The following ACO1 variants were observed in gnomAD, a reference collection of about 807,000 sequenced individuals.
The protein encoded by ACO1 is cytoplasmic aconitate hydratase.
ACO1 carries 78 observed loss-of-function variants against 105.1 expected under a neutral mutation model. That is an observed-to-expected ratio of 0.74 (90% CI 0.62 to 0.90). The LOEUF (loss-of-function observed/expected upper bound fraction) is 0.90. Ranked by LOEUF, ACO1 falls within the 40% of genes least tolerant of loss-of-function variation. ACO1 has a pLI of 0.00. For missense variants in ACO1, 965 were observed against 1,111.1 expected, an observed-to-expected ratio of 0.87 and a Z score of 1.87; for synonymous variants, 364 against 397.4, an observed-to-expected ratio of 0.92 and a Z score of 1.00.
intron 5 of ACO1, 57 bp from the exon 6 acceptor site, chr9:32,418,271 G>T: frequency 6.2e-7 from 1 of 1,612,218 alleles, no homozygotes; most frequent in Non-Finnish European, 8.5e-7. Flanking sequence ...CCAAGGAGAT[G>T]GGCTGAGTAG....
intron 10 of ACO1, among the ~76,000 whole-genome samples, chr9:32,425,231 C>T (rs1403080198): frequency 6.6e-6 from 1 of 152,184 alleles, no homozygotes. Flanking sequence ...TCTGAATCAC[C>T]TTGGGAGCCC....
At chr9:32,409,317 A>G (rs1821683459) in intron 4 of ACO1, among the ~76,000 whole-genome samples, 1 of 152,224 alleles carries the variant, frequency 6.6e-6, no homozygotes, top group African/African-American at 2.4e-5. Flanking sequence ...GTAGACTCTC[A>G]GCTCCCTGAA....
In ACO1 at chr9:32,407,400, G is replaced by A; in HGVS notation, c.237G>A (p.Lys79=). 1.2e-6 allele frequency: 2 copies of A among 1,614,070 alleles called. No individual in the cohort carries two copies. Among genetic ancestry groups the A allele is most frequent in the Non-Finnish European group, 8.5e-7 (1 of 1,179,956 alleles). Residue 79 remains lysine (K), a synonymous_variant, in exon 3 of 21, where the codon AAG becomes AAA. Coordinates refer to ENST00000309951, the MANE Select transcript of ACO1 (RefSeq NM_002197.3). Reference sequence around the variant, plus strand: ...ACAAGAACATAGAAGTGCCATTTAAGCCTGCTCGTGTCATCCTGCAGGACT... The same window carrying A: ...ACAAGAACATAGAAGTGCCATTTAAACCTGCTCGTGTCATCCTGCAGGACT... The part of the protein sequence containing the change: ...TQHKNIEVPF[K]PARVILQDFT...
chr9:32,407,280 C>T lies in ACO1; in HGVS notation c.117C>T (p.Ile39=). ...TCTTAGGGCGCTTACCATTTTCGAT[C>T]AGAGTTCTTCTGGAAGCAGCCATTC... ...DSRYGRLPFS[I]RVLLEAAIRN... is the part of the protein sequence containing the mutation. Residue 39 remains isoleucine (I), a synonymous_variant, in exon 3 of 21, where the codon ATC becomes ATT. Coordinates refer to ENST00000309951, the MANE Select transcript of ACO1 (RefSeq NM_002197.3). 2 of 1,614,086 alleles carry T rather than the reference C, an allele frequency of 1.2e-6. No homozygotes were observed. Among genetic ancestry groups the T allele is most frequent in the Non-Finnish European group, 1.7e-6 (2 of 1,179,984 alleles).
rs1013853198 is a variant in ACO1 at position 32,453,163 on chromosome 9, C to A, written c.*3052C>A. On this transcript the variant is annotated 3_prime_UTR_variant, in exon 21 of 21. Coordinates refer to ENST00000309951, the MANE Select transcript of ACO1 (RefSeq NM_002197.3). ...GTTTGTTTGGATAGTTTTCCAAATTCATTACTGCATTCCTGGCATCCGCAG... is the reference window on the plus strand; with the variant it reads ...GTTTGTTTGGATAGTTTTCCAAATTAATTACTGCATTCCTGGCATCCGCAG... 2.0e-5 allele frequency: 3 copies of A among 152,118 alleles called. No individual in the cohort carries two copies. Among genetic ancestry groups the A allele is most frequent in the Non-Finnish European group, 4.4e-5 (3 of 68,040 alleles). The allele number at this position is 152,118 out of a possible 1,614,324, so 9.4% of individuals were successfully genotyped here. A position where few individuals can be genotyped will look rare whatever the true frequency, so the allele number is the denominator to read the frequency against.
intron 18 of ACO1, among the ~76,000 whole-genome samples, chr9:32,438,217 C>T (rs983473812): frequency 6.6e-6 from 1 of 151,082 alleles, no homozygotes; most frequent in Non-Finnish European, 1.5e-5. Flanking sequence ...TGATTTGCAT[C>T]CTAAAATCTA....
rs1200006698 is a variant in ACO1, at chr9:32,450,513, C to T, written c.*402C>T. The T allele has an allele frequency of 3.5e-6, 1 of 284,390 alleles. No individual in the cohort carries two copies. Among genetic ancestry groups the T allele is most frequent in the Admixed American group, 4.9e-5 (1 of 20,356 alleles). The allele number at this position is 284,390 out of a possible 1,614,324, so 17.6% of individuals were successfully genotyped here. A position where few individuals can be genotyped will look rare whatever the true frequency, so the allele number is the denominator to read the frequency against. On this transcript the variant is annotated 3_prime_UTR_variant, in exon 21 of 21. Coordinates refer to ENST00000309951, the MANE Select transcript of ACO1 (RefSeq NM_002197.3). ...TCCTCTTACGCTCTGCTCAATGAAACCTTCCTCTTGAGGGTCATTTTCCTT... is the reference window on the plus strand; with the variant it reads ...TCCTCTTACGCTCTGCTCAATGAAATCTTCCTCTTGAGGGTCATTTTCCTT...
intron 18 of ACO1, among the ~76,000 whole-genome samples, chr9:32,438,089 A>G (rs1188903362): frequency 6.6e-6 from 1 of 152,248 alleles, no homozygotes; most frequent in Non-Finnish European, 1.5e-5. Context: ...TCACTGTGAA[A>G]TTAAGAGCAA....
At chr9:32,440,789 A>T (rs888697889) in intron 19 of ACO1, among the ~76,000 whole-genome samples, 1 of 152,212 alleles carries the variant, frequency 6.6e-6, no homozygotes, top group Non-Finnish European at 1.5e-5. Flanking sequence ...GTTGAACTGG[A>T]TCTATCATTC....
chr9:32,388,639 C>A (rs769063602), intron 1 of ACO1, among the ~76,000 whole-genome samples: 2 of 152,040 alleles, frequency 1.3e-5, no homozygotes, highest in Non-Finnish European at 2.9e-5. Context: ...AAGTTGTGTG[C>A]ATGTGTCATT....
At chr9:32,422,043 G>T (rs1311615668) in intron 8 of ACO1, among the ~76,000 whole-genome samples, 1 of 152,118 alleles carries the variant, frequency 6.6e-6, no homozygotes, top group Non-Finnish European at 1.5e-5. Context: ...TTCTCCCAAA[G>T]GATTTTAAGT....
rs1290380443 is a variant in ACO1 at position 32,453,665 on chromosome 9, C to CTTAT, written c.*3557_*3560dup. On this transcript the variant is annotated 3_prime_UTR_variant, in exon 21 of 21. Coordinates refer to ENST00000309951, the MANE Select transcript of ACO1 (RefSeq NM_002197.3). Reference sequence around the variant, plus strand: ...GTTCCTAGTCACCTAAATGAAGAACCTTATTTTTAGCAGTTTCCCTTTCAG... The same window carrying CTTAT: ...GTTCCTAGTCACCTAAATGAAGAACCTTATTTATTTTTAGCAGTTTCCCTTTCAG... 4 of 152,152 alleles carry CTTAT rather than the reference C, an allele frequency of 2.6e-5. No homozygotes were observed. The highest frequency in any genetic ancestry group is 9.7e-5 in the African/African-American group (4 of 41,434). 9.4% of individuals were successfully genotyped at this position (152,152 alleles called of 1,614,324 possible).
intron 16 of ACO1, 94 bp from the exon 17 acceptor site, chr9:32,434,465 T>C (rs1164979920): frequency 9.6e-6 from 14 of 1,455,094 alleles, no homozygotes; most frequent in Non-Finnish European, 1.3e-5. Context: ...AACTGTCCTC[T>C]GATTCAGGTC....
At chr9:32,448,274 T>C (rs900390844) in intron 19 of ACO1, among the ~76,000 whole-genome samples, 1 of 150,996 alleles carries the variant, frequency 6.6e-6, no homozygotes, top group African/African-American at 2.5e-5. Context: ...GCAGTAGGCC[T>C]TGCTGAGCTG....
At chr9:32,400,517 T>C (rs1203111961) in intron 1 of ACO1, among the ~76,000 whole-genome samples, 1 of 152,134 alleles carries the variant, frequency 6.6e-6, no homozygotes, top group Admixed American at 6.5e-5. Flanking sequence ...TCAAAGGACA[T>C]ATTGAGGGGA....
intron 19 of ACO1, among the ~76,000 whole-genome samples, chr9:32,446,839 T>TA (rs1822619908): frequency 1.3e-5 from 2 of 152,206 alleles, no homozygotes; most frequent in Non-Finnish European, 2.9e-5. Flanking sequence ...CTCCTTAACA[T>TA]ATGAAGCTTA....
intron 18 of ACO1, among the ~76,000 whole-genome samples, chr9:32,437,475 A>G (rs1587551102): frequency 1.3e-5 from 2 of 152,384 alleles, no homozygotes; most frequent in Middle Eastern, 6.8e-3. Context: ...AGGTTACAGA[A>G]TATTAAATGT....
chr9:32,396,334 A>G (rs1197550209), intron 1 of ACO1, among the ~76,000 whole-genome samples: 1 of 152,176 alleles, frequency 6.6e-6, no homozygotes, highest in East Asian at 1.9e-4. Flanking sequence ...GTCTTTATCA[A>G]AGTCCTCACA....
chr9:32,430,647 C>G (rs758702700), intron 14 of ACO1, 73 bp downstream of exon 14: 2 of 1,478,686 alleles, frequency 1.4e-6, no homozygotes, highest in Non-Finnish European at 1.8e-6. Flanking sequence ...AACTGCTTTC[C>G]TTAATAAGAA....
Sources: allele counts gnomAD v4.1 joint callset (sites outside exome capture counted in the v4.1 genomes callset), GRCh38; gene constraint gnomAD v4.1.1; transcripts MANE v1.5; gene names NCBI Gene and HGNC (gene_info 2026-07-23, HGNC 2026-07-21).